EEFSEC: variants seen among roughly 807,000 people sequenced by gnomAD.
EEFSEC encodes the protein eukaryotic elongation factor, selenocysteine-tRNA specific.
EEFSEC carries 43 observed loss-of-function variants against 42.1 expected under a neutral mutation model. The ratio of observed to expected loss-of-function variants is 1.02; its 90% CI spans 0.80 to 1.32. The LOEUF (loss-of-function observed/expected upper bound fraction) is 1.32, where lower values mean the gene tolerates loss of function less well. Ranked by LOEUF, EEFSEC falls within the 40% of genes most tolerant of loss-of-function variation. The pLI is 0.00. For missense variants in EEFSEC, 745 were observed against 803.6 expected (o/e 0.93, Z 0.88); for synonymous variants, 354 against 339.1 (o/e 1.04, Z -0.48).
In EEFSEC at chr3:128,283,664, G is replaced by A. The variant is rs186461714; in HGVS notation, c.786+18883G>A. On this transcript the variant is annotated intron_variant, in intron 4 of 6. Transcript: ENST00000254730. ...TCTCCCCTAGGAGTCAAGTGTCACC[G>A]TTAATGTCCTGTCAGGTGCAAGCCC... is the stretch of plus-strand genomic sequence containing the variant. Among the ~76,000 whole-genome samples, 7 of 152,308 alleles carry A rather than the reference G, an allele frequency of 4.6e-5. No individual in the cohort carries two copies. The East Asian group carries it at 1.2e-3, about 25-fold the overall frequency.
rs756976693 is a variant in EEFSEC at position 128,153,640 on chromosome 3, C to G, written c.133C>G (p.Arg45Gly). The G allele has an allele frequency of 7.5e-6, 12 of 1,598,060 alleles. No individual in the cohort carries two copies. The highest frequency in any genetic ancestry group is 1.7e-4 in the Middle Eastern group (1 of 5,842). The change falls in exon 1 of 7, where the codon CGC (arginine) becomes GGC (glycine). Residue 45 changes from arginine to glycine, a missense_variant. Coordinates refer to ENST00000254730, the MANE Select transcript of EEFSEC (RefSeq NM_021937.5). ...TGACAAGCAGCCGCAGAGCCGCGAG[C>G]GCGGCATCACGCTCGATCTGGGCTT... ...AFDKQPQSRE[R>G]GITLDLGFSC...
intron 1 of EEFSEC, among the ~76,000 whole-genome samples, chr3:128,243,190 G>A (rs2066090630): frequency 6.6e-6 from 1 of 152,236 alleles, no homozygotes; most frequent in Non-Finnish European, 1.5e-5. Flanking sequence ...GGTGCTGGCT[G>A]CGCTGCACGG....
chr3:128,254,808 T>G (rs760476504), intron 2 of EEFSEC, among the ~76,000 whole-genome samples: 4 of 151,254 alleles, frequency 2.6e-5, no homozygotes, highest in Non-Finnish European at 5.9e-5. Context: ...CACCTCAGAG[T>G]GGTGCTGCTG....
intron 1 of EEFSEC, among the ~76,000 whole-genome samples, chr3:128,221,496 C>T (rs906266985): frequency 1.3e-5 from 2 of 152,208 alleles, no homozygotes; most frequent in Admixed American, 6.5e-5. Flanking sequence ...GATTCAGATG[C>T]AGGCCTCATA....
chr3:128,189,558 C>CTTTTTT (rs3037702), intron 1 of EEFSEC, among the ~76,000 whole-genome samples: 2 of 137,150 alleles, frequency 1.5e-5, no homozygotes, highest in Non-Finnish European at 3.1e-5. Flanking sequence ...GACTTCTTTT[C>CTTTTTT]TTTTTTTTTT....
intron 4 of EEFSEC, among the ~76,000 whole-genome samples, chr3:128,270,057 G>C (rs1469075013): frequency 6.6e-6 from 1 of 152,200 alleles, no homozygotes; most frequent in East Asian, 1.9e-4. Flanking sequence ...CACTGGTTCA[G>C]CTCAAACTTG....
chr3:128,204,945 A>G (rs1035684764), intron 1 of EEFSEC, among the ~76,000 whole-genome samples: 1 of 152,184 alleles, frequency 6.6e-6, no homozygotes, highest in African/African-American at 2.4e-5. Flanking sequence ...CCCATTAGGT[A>G]CTTTTGTCTG....
intron 1 of EEFSEC, among the ~76,000 whole-genome samples, chr3:128,198,889 T>A (rs1298667843): frequency 2.6e-5 from 4 of 152,046 alleles, no homozygotes; most frequent in Admixed American, 2.6e-4. Context: ...TGGAGTGCGG[T>A]GGCACTATCT....
intron 1 of EEFSEC, among the ~76,000 whole-genome samples, chr3:128,160,132 C>T (rs1175161074): frequency 6.6e-6 from 1 of 152,254 alleles, no homozygotes; most frequent in Non-Finnish European, 1.5e-5. Context: ...CAGAAGGCAA[C>T]TAGCTTAGGG....
chr3:128,375,906 A>G (rs1289055466), intron 6 of EEFSEC, among the ~76,000 whole-genome samples: 1 of 152,204 alleles, frequency 6.6e-6, no homozygotes, highest in Non-Finnish European at 1.5e-5. Flanking sequence ...CACACCCTTT[A>G]TATGAACACC....
chr3:128,376,482 C>T (rs1292625719), intron 6 of EEFSEC, among the ~76,000 whole-genome samples: 2 of 152,180 alleles, frequency 1.3e-5, no homozygotes, highest in Non-Finnish European at 2.9e-5. Flanking sequence ...AGGTGAGCTT[C>T]TCTAGGCTGA....
intron 4 of EEFSEC, among the ~76,000 whole-genome samples, chr3:128,282,844 C>A (rs1316937662): frequency 6.6e-6 from 1 of 152,240 alleles, no homozygotes; most frequent in African/African-American, 2.4e-5. Context: ...TTCTCTGTGA[C>A]TGATCTCCCG....
At chr3:128,246,767 G>A in intron 1 of EEFSEC, 69 bp from the exon 2 acceptor site, 1 of 1,540,962 alleles carries the variant, frequency 6.5e-7, no homozygotes, top group Non-Finnish European at 8.9e-7. Flanking sequence ...TTGACCTGGG[G>A]CATTGGGCAA....
intron 5 of EEFSEC, among the ~76,000 whole-genome samples, chr3:128,348,068 G>A (rs2067333681): frequency 6.6e-6 from 1 of 152,156 alleles, no homozygotes; most frequent in Non-Finnish European, 1.5e-5. Flanking sequence ...AAGGGCTAGG[G>A]AGGTAACAGT....
At position 128,264,726 on chromosome 3, in the gene EEFSEC, C is replaced by T; in HGVS notation, c.731C>T (p.Thr244Ile). The T allele has an allele frequency of 6.2e-7, 1 of 1,614,182 alleles. No homozygotes were observed. The highest frequency in any genetic ancestry group is 8.5e-7 in the Non-Finnish European group (1 of 1,180,030). The change falls in exon 4 of 7, where the codon ACC becomes ATC. Residue 244 changes from threonine (T) to isoleucine (I), a missense_variant. Coordinates refer to ENST00000254730, the MANE Select transcript of EEFSEC (RefSeq NM_021937.5). ...IKGQGTVMTG[T>I]ILSGSISLGD... is the part of the protein sequence containing the mutation. ...GGCCAAGGCACTGTGATGACAGGGA[C>T]CATCCTTTCAGGCTCCATCAGCCTC...
intron 4 of EEFSEC, among the ~76,000 whole-genome samples, chr3:128,276,103 C>T: frequency 6.6e-6 from 1 of 152,340 alleles, no homozygotes; most frequent in East Asian, 1.9e-4. Flanking sequence ...TGGCCCTCCT[C>T]ACCCTCCTGG....
chr3:128,344,551 T>C (rs949543061), intron 5 of EEFSEC, among the ~76,000 whole-genome samples: 3 of 152,206 alleles, frequency 2.0e-5, no homozygotes, highest in African/African-American at 7.2e-5. Context: ...CACAGGGTAG[T>C]AAAGCTGGAG....
chr3:128,402,869 C>T (rs1194550954), intron 6 of EEFSEC, among the ~76,000 whole-genome samples: 1 of 152,196 alleles, frequency 6.6e-6, no homozygotes, highest in Non-Finnish European at 1.5e-5. Flanking sequence ...GAGTATCCGC[C>T]ACTCACCAGC....
intron 4 of EEFSEC, among the ~76,000 whole-genome samples, chr3:128,306,474 G>C (rs1283225212): frequency 6.6e-6 from 1 of 152,120 alleles, no homozygotes; most frequent in Non-Finnish European, 1.5e-5. Context: ...ATTCAGGCTT[G>C]TTAGATTTAA....
Sources: allele counts gnomAD v4.1 joint callset (sites outside exome capture counted in the v4.1 genomes callset), GRCh38; gene constraint gnomAD v4.1.1; transcripts MANE v1.5; gene names NCBI Gene and HGNC (gene_info 2026-07-23, HGNC 2026-07-21).